The following MAPK10 variants were observed in gnomAD, a reference collection of about 807,000 sequenced individuals.
MAPK10 encodes the protein mitogen-activated protein kinase 10.
Under a neutral mutation model 59.3 loss-of-function variants are expected in MAPK10, and 25 were observed. The ratio of observed to expected loss-of-function variants is 0.42; its 90% confidence interval spans 0.31 to 0.59. The LOEUF (loss-of-function observed/expected upper bound fraction) is 0.59. Among genes scored for constraint, MAPK10 ranks in the 20% least tolerant of loss-of-function variants. The pLI, the probability that MAPK10 is intolerant of heterozygous loss-of-function variation, is 0.15. For synonymous variants in MAPK10, 190 were observed against 200.5 expected (o/e 0.95, Z 0.44); for missense variants, 351 against 568.9 (o/e 0.62, Z 3.90).
At chr4:86,306,399 T>C (rs1455104416) in intron 2 of MAPK10, among the ~76,000 whole-genome samples, 11 of 152,218 alleles carry the variant, frequency 7.2e-5, no homozygotes, top group Admixed American at 7.2e-4. Context: ...TTTTGCAGTA[T>C]TATGAAAATA....
At chr4:86,557,409 T>C in intron 1 of MAPK10, among the ~76,000 whole-genome samples, 1 of 152,024 alleles carries the variant, frequency 6.6e-6, no homozygotes, top group East Asian at 1.9e-4. Context: ...GACTACTGAC[T>C]GTCACTAAAA....
intron 2 of MAPK10, among the ~76,000 whole-genome samples, chr4:86,231,273 C>A (rs749110236): frequency 6.6e-6 from 1 of 152,108 alleles, no homozygotes; most frequent in Admixed American, 6.5e-5. Context: ...CATACTTATA[C>A]TAAAAAATTG....
At chr4:86,499,451 G>T (rs1270758278) in intron 1 of MAPK10, among the ~76,000 whole-genome samples, 1 of 152,100 alleles carries the variant, frequency 6.6e-6, no homozygotes, top group Non-Finnish European at 1.5e-5. Flanking sequence ...TTGTTGGTTC[G>T]GTTATTTTCT....
At chr4:86,571,342 G>A (rs1428869993) in intron 1 of MAPK10, among the ~76,000 whole-genome samples, 1 of 150,330 alleles carries the variant, frequency 6.7e-6, no homozygotes, top group Non-Finnish European at 1.5e-5. Flanking sequence ...GTGTGTGTGT[G>A]TGTGTGTGTG....
At chr4:86,530,054 T>C (rs1757747304) in intron 1 of MAPK10, among the ~76,000 whole-genome samples, 1 of 149,220 alleles carries the variant, frequency 6.7e-6, no homozygotes. Flanking sequence ...AAGGGGCTTT[T>C]GGTTTTGTTT....
intron 4 of MAPK10, among the ~76,000 whole-genome samples, chr4:86,132,460 T>C (rs1475885571): frequency 1.3e-5 from 2 of 152,236 alleles, no homozygotes; most frequent in African/African-American, 2.4e-5. Flanking sequence ...TAAAAATGCA[T>C]TTTTAAGGCT....
intron 4 of MAPK10, among the ~76,000 whole-genome samples, chr4:86,113,151 G>A (rs540375215): frequency 6.6e-6 from 1 of 152,130 alleles, no homozygotes; most frequent in South Asian, 2.1e-4. Flanking sequence ...ACACTGTTGG[G>A]TCTTGTCTTT....
chr4:86,587,959 G>GT (rs1158284856), intron 1 of MAPK10, among the ~76,000 whole-genome samples: 1 of 152,172 alleles, frequency 6.6e-6, no homozygotes, highest in Non-Finnish European at 1.5e-5. Context: ...TGAGGCCGCT[G>GT]TGTAGTATGG....
At chr4:86,309,827 A>G (rs2095635543) in intron 2 of MAPK10, among the ~76,000 whole-genome samples, 1 of 152,202 alleles carries the variant, frequency 6.6e-6, no homozygotes, top group Non-Finnish European at 1.5e-5. Flanking sequence ...ACGCAACCTA[A>G]GCTTGCAACA....
intron 3 of MAPK10, among the ~76,000 whole-genome samples, chr4:86,176,550 C>T (rs1015018302): frequency 6.6e-5 from 10 of 152,014 alleles, no homozygotes; most frequent in East Asian, 5.8e-4. Context: ...TTAATTATCA[C>T]GGAACTGAAC....
chr4:86,181,249 A>G (rs2076880277), intron 3 of MAPK10, among the ~76,000 whole-genome samples: 1 of 152,092 alleles, frequency 6.6e-6, no homozygotes. Flanking sequence ...ATAATCAATC[A>G]GTCAACGAGT....
intron 5 of MAPK10, 49 bp downstream of exon 5, chr4:86,107,174 C>A (rs1393916029): frequency 7.3e-6 from 11 of 1,496,906 alleles, no homozygotes; most frequent in Non-Finnish European, 1.0e-5. Flanking sequence ...TTTCTTTTTC[C>A]AATCTTACAA....
At chr4:86,287,600 A>G (rs2095063471) in intron 2 of MAPK10, among the ~76,000 whole-genome samples, 1 of 152,180 alleles carries the variant, frequency 6.6e-6, no homozygotes, top group Non-Finnish European at 1.5e-5. Context: ...TTGTCCCTAT[A>G]TGTTCTAAGC....
rs756682479 is a variant in MAPK10, at chr4:86,313,094, CATAG to C, written c.-7+41432_-7+41435del. Among the ~76,000 whole-genome samples the C allele has an allele frequency of 9.5e-4, 144 of 152,032 alleles. 1 individual carries two copies. The highest frequency in any genetic ancestry group is 1.5e-3 in the East Asian group (8 of 5,168). ...ACATGAATACATATATATACACACA[CATAG>C]ATAGATAGATAGATATACTTTTTAC... On this transcript the variant is annotated intron_variant, in intron 2 of 13. Transcript: ENST00000641462.
intron 2 of MAPK10, among the ~76,000 whole-genome samples, chr4:86,230,859 G>T (rs1007990876): frequency 2.0e-5 from 3 of 152,048 alleles, no homozygotes; most frequent in Admixed American, 6.6e-5. Flanking sequence ...TTAAATACTT[G>T]CTCAGTCTGC....
At chr4:86,344,189 C>G (rs999211917) in intron 2 of MAPK10, among the ~76,000 whole-genome samples, 1 of 152,166 alleles carries the variant, frequency 6.6e-6, no homozygotes, top group Non-Finnish European at 1.5e-5. Flanking sequence ...GGCTGGAGTG[C>G]TTATCACAGT....
chr4:86,564,976 C>T (rs1285778677), intron 1 of MAPK10, among the ~76,000 whole-genome samples: 1 of 152,146 alleles, frequency 6.6e-6, no homozygotes, highest in Non-Finnish European at 1.5e-5. Context: ...CTTATCTAGA[C>T]TAGCAGGAGG....
intron 1 of MAPK10, among the ~76,000 whole-genome samples, chr4:86,416,698 T>C (rs1446816221): frequency 3.3e-5 from 5 of 152,214 alleles, no homozygotes; most frequent in African/African-American, 1.2e-4. Context: ...TTGGCTTTCC[T>C]ACATATGCCA....
At chr4:86,175,656 T>G (rs1475876269) in intron 3 of MAPK10, among the ~76,000 whole-genome samples, 1 of 152,126 alleles carries the variant, frequency 6.6e-6, no homozygotes, top group Non-Finnish European at 1.5e-5. Context: ...TGATTACAAG[T>G]TTCCTGAGGC....
Sources: gnomAD v4.1 joint callset for allele counts (sites outside exome capture counted in the v4.1 genomes callset) on GRCh38, gnomAD v4.1.1 for gene constraint, MANE v1.5 for transcripts, NCBI Gene and HGNC (gene_info 2026-07-23, HGNC 2026-07-21) for gene names.